CNTN6: variants seen among roughly 807,000 people sequenced by gnomAD.
CNTN6 encodes contactin-6.
In CNTN6, 137 loss-of-function variants were observed where a neutral mutation model predicts 122.8. The observed-to-expected ratio is 1.12, with a 90% confidence interval of 0.97 to 1.29. The LOEUF is 1.29. Ranked by LOEUF, CNTN6 falls within the 50% of genes most tolerant of loss-of-function variation. The pLI is 0.00. For synonymous variants in CNTN6, 570 were observed against 426.0 expected (o/e 1.34, Z -4.16); for missense variants, 1,634 against 1,223.4 (o/e 1.34, Z -5.01).
At chr3:1,132,801 CAGTT>C (rs2092374294) in intron 1 of CNTN6, among the ~76,000 whole-genome samples, 1 of 152,122 alleles carries the variant, frequency 6.6e-6, no homozygotes, top group Admixed American at 6.5e-5. Context: ...CACTTGACGA[CAGTT>C]AGTTCAGCTT....
intron 5 of CNTN6, among the ~76,000 whole-genome samples, chr3:1,287,896 T>A (rs3872631): frequency 6.6e-6 from 1 of 151,992 alleles, no homozygotes; most frequent in Non-Finnish European, 1.5e-5. Flanking sequence ...CTCCCCATGT[T>A]TAGCATATGA....
At position 1,403,988 on chromosome 3, in the gene CNTN6, A is replaced by T; in HGVS notation, c.*570A>T. 6.6e-6 allele frequency: 1 copy of T among 152,152 alleles called. No homozygotes were observed. The highest frequency in any genetic ancestry group is 1.9e-4 in the East Asian group (1 of 5,188). 9.4% of individuals were successfully genotyped at this position (152,152 alleles called of 1,614,324 possible). On this transcript the variant is annotated 3_prime_UTR_variant, in exon 23 of 23. Coordinates refer to ENST00000446702, the MANE Select transcript of CNTN6 (RefSeq NM_001289080.2). ...TTCTTCTCAGCCCACTTTTCAGAAG[A>T]TTCAGTCACAATAAAGGCAGAAAAA... is the stretch of plus-strand genomic sequence containing the variant.
chr3:1,201,844 T>C (rs906491477), intron 2 of CNTN6, among the ~76,000 whole-genome samples: 5 of 152,148 alleles, frequency 3.3e-5, no homozygotes, highest in African/African-American at 1.2e-4. Flanking sequence ...GAAATTCCTA[T>C]GTTATATTGT....
chr3:1,168,168 A>G (rs1434329934), intron 2 of CNTN6, among the ~76,000 whole-genome samples: 1 of 152,116 alleles, frequency 6.6e-6, no homozygotes, highest in East Asian at 1.9e-4. Context: ...TCGGCCTCCC[A>G]AAGTGCTGGG....
intron 7 of CNTN6, among the ~76,000 whole-genome samples, chr3:1,310,384 AT>A (rs1699040179): frequency 6.6e-6 from 1 of 151,950 alleles, no homozygotes; most frequent in South Asian, 2.1e-4. Flanking sequence ...TGATCATGTG[AT>A]TTTTCTTCTA....
intron 12 of CNTN6, among the ~76,000 whole-genome samples, chr3:1,363,697 A>G (rs1254503074): frequency 2.0e-5 from 3 of 151,966 alleles, no homozygotes; most frequent in Non-Finnish European, 4.4e-5. Flanking sequence ...TATCTTAACT[A>G]TCATGAATAC....
intron 4 of CNTN6, among the ~76,000 whole-genome samples, chr3:1,253,192 C>T (rs1034786059): frequency 6.6e-6 from 1 of 152,156 alleles, no homozygotes; most frequent in Non-Finnish European, 1.5e-5. Flanking sequence ...TAGCTTCAGT[C>T]CTTGTACCAC....
At chr3:1,338,932 A>C (rs1306202373) in intron 11 of CNTN6, among the ~76,000 whole-genome samples, 2 of 152,054 alleles carry the variant, frequency 1.3e-5, no homozygotes, top group African/African-American at 4.8e-5. Context: ...TAAAAAAATA[A>C]ATAAAAATAA....
chr3:1,337,226 T>C (rs1049654013), intron 11 of CNTN6, among the ~76,000 whole-genome samples: 2 of 152,162 alleles, frequency 1.3e-5, no homozygotes, highest in African/African-American at 4.8e-5. Flanking sequence ...ATTTTCTTCT[T>C]GGAGGTTTTT....
At chr3:1,246,307 T>C (rs1559601238) in intron 4 of CNTN6, among the ~76,000 whole-genome samples, 1 of 152,194 alleles carries the variant, frequency 6.6e-6, no homozygotes, top group Non-Finnish European at 1.5e-5. Flanking sequence ...ATATATAATA[T>C]ATTGCTTCAA....
At chr3:1,141,427 C>T (rs1259406047) in intron 1 of CNTN6, among the ~76,000 whole-genome samples, 1 of 152,172 alleles carries the variant, frequency 6.6e-6, no homozygotes, top group Non-Finnish European at 1.5e-5. Flanking sequence ...TCCTGATAAA[C>T]TAAATCCACA....
At chr3:1,105,958 A>G (rs2091199777) in intron 1 of CNTN6, among the ~76,000 whole-genome samples, 1 of 152,182 alleles carries the variant, frequency 6.6e-6, no homozygotes, top group African/African-American at 2.4e-5. Flanking sequence ...TTAAACTTCA[A>G]TTTATGCCTC....
At chr3:1,343,182 A>G (rs1212186416) in intron 11 of CNTN6, among the ~76,000 whole-genome samples, 4 of 152,200 alleles carry the variant, frequency 2.6e-5, no homozygotes, top group Non-Finnish European at 5.9e-5. Flanking sequence ...TACATTGTAT[A>G]ATGCATATAA....
chr3:1,158,815 TACACAC>T (rs1302367628), intron 2 of CNTN6, among the ~76,000 whole-genome samples: 2 of 130,426 alleles, frequency 1.5e-5, no homozygotes, highest in African/African-American at 3.2e-5. Context: ...CACATATATA[TACACAC>T]ACATATATAT....
intron 2 of CNTN6, among the ~76,000 whole-genome samples, chr3:1,218,159 A>C (rs1010931973): frequency 6.6e-6 from 1 of 151,932 alleles, no homozygotes; most frequent in African/African-American, 2.4e-5. Context: ...GGCAGAGCCC[A>C]AGTAAGGTGA....
At chr3:1,252,893 G>T (rs1464859806) in intron 4 of CNTN6, among the ~76,000 whole-genome samples, 1 of 152,124 alleles carries the variant, frequency 6.6e-6, no homozygotes, top group African/African-American at 2.4e-5. Flanking sequence ...ACTCAACCCA[G>T]GGCATAAGTA....
intron 12 of CNTN6, among the ~76,000 whole-genome samples, chr3:1,355,163 G>T (rs559649268): frequency 6.6e-5 from 10 of 151,554 alleles, no homozygotes; most frequent in African/African-American, 2.4e-4. Context: ...AGTGGACTTT[G>T]GGGTCTTTTG....
At chr3:1,374,683 G>C (rs1441575871) in intron 16 of CNTN6, among the ~76,000 whole-genome samples, 1 of 151,982 alleles carries the variant, frequency 6.6e-6, no homozygotes, top group Non-Finnish European at 1.5e-5. Context: ...TTTACATCCA[G>C]GGTGACATTT....
At chr3:1,332,329 G>A (rs538080346) in intron 11 of CNTN6, among the ~76,000 whole-genome samples, 1 of 152,040 alleles carries the variant, frequency 6.6e-6, no homozygotes, top group East Asian at 1.9e-4. Flanking sequence ...TGATCGACTG[G>A]CTTTATTAAG....
Sources: allele counts gnomAD v4.1 joint callset (sites outside exome capture counted in the v4.1 genomes callset), GRCh38; gene constraint gnomAD v4.1.1; transcripts MANE v1.5; gene names NCBI Gene and HGNC (gene_info 2026-07-23, HGNC 2026-07-21).